The following ACOT9 variants were observed in gnomAD, a reference collection of about 807,000 sequenced individuals.
The protein encoded by ACOT9 is acyl-CoA thioesterase 9.
Under a neutral mutation model 39.7 loss-of-function variants are expected in ACOT9, and 34 were observed. The observed-to-expected ratio is 0.86, with a 90% CI of 0.65 to 1.14. The LOEUF is 1.14. Among genes scored for constraint, ACOT9 ranks in the 50% most tolerant of loss-of-function variants. The pLI, the probability that ACOT9 is intolerant of heterozygous loss-of-function variation, is 0.00. For synonymous variants in ACOT9, 110 were observed against 120.5 expected (o/e 0.91, Z 0.57); for missense variants, 313 against 344.1 (o/e 0.91, Z 0.71).
intron 6 of ACOT9, among the ~76,000 whole-genome samples, chrX:23,727,124 T>C (rs1367554370): frequency 8.9e-6 from 1 of 112,136 alleles, no homozygotes; most frequent in East Asian, 2.8e-4. Flanking sequence ...CCGGCCTATT[T>C]TTCATTTTAA....
chrX:23,713,010 G>T, intron 9 of ACOT9, 125 bp downstream of exon 9: 4 of 524,613 alleles, frequency 7.6e-6, no homozygotes, highest in Middle Eastern at 1.2e-3. Context: ...AAATGGCCAA[G>T]AAATTGCAAT....
chrX:23,705,774 G>A lies in ACOT9; in HGVS notation c.927C>T (p.His309=), dbSNP rs1928657124. Residue 309 remains histidine, a synonymous_variant, in exon 12 of 16, where the codon CAC becomes CAT. Transcript: ENST00000379303. ...NSKLKSLEIC[H]PQERNIFNRI... Reference sequence around the variant, plus strand: ...TCTCACTAAATTATAATACCTGAGGGTGGCAAATTTCCAAACTCTTCAGTT... The same window carrying A: ...TCTCACTAAATTATAATACCTGAGGATGGCAAATTTCCAAACTCTTCAGTT... 2.5e-6 allele frequency: 3 copies of A among 1,206,148 alleles called. No individual in the cohort carries two copies. The Middle Eastern group carries it at 6.9e-4, about 278-fold the overall frequency.
intron 6 of ACOT9, among the ~76,000 whole-genome samples, chrX:23,729,948 A>G (rs1458418673): frequency 1.8e-5 from 2 of 109,777 alleles, no homozygotes; most frequent in African/African-American, 3.3e-5. Flanking sequence ...AATTCTTTAT[A>G]CTGTATTTGC....
intron 9 of ACOT9, among the ~76,000 whole-genome samples, chrX:23,711,788 C>G (rs1928903414): frequency 9.0e-6 from 1 of 111,391 alleles, no homozygotes; most frequent in Non-Finnish European, 1.9e-5. Context: ...CTTAGCATCA[C>G]TGTGAGTGGG....
At chrX:23,709,837 A>G (rs1303202146) in intron 9 of ACOT9, among the ~76,000 whole-genome samples, 2 of 111,925 alleles carry the variant, frequency 1.8e-5, no homozygotes, top group Non-Finnish European at 3.8e-5. Context: ...AGATGACGTA[A>G]AGTAAGTTGA....
chrX:23,728,674 G>A (rs1929621142), intron 6 of ACOT9, among the ~76,000 whole-genome samples: 1 of 111,316 alleles, frequency 9.0e-6, no homozygotes, highest in South Asian at 3.8e-4. Flanking sequence ...AGAGGGTATG[G>A]GAGCAGTGAT....
intron 1 of ACOT9, 99 bp downstream of exon 1, chrX:23,743,026 G>A (rs1920996645): frequency 2.0e-6 from 2 of 1,002,061 alleles, no homozygotes; most frequent in African/African-American, 1.9e-5. Flanking sequence ...GCCCATGCGT[G>A]GCCCACTTCT....
chrX:23,705,603 CATAA>C lies in ACOT9; in HGVS notation c.934-13_934-10del. The C allele has an allele frequency of 8.3e-7, 1 of 1,199,874 alleles. No homozygotes were observed. The highest frequency in any genetic ancestry group is 1.8e-5 in the South Asian group (1 of 56,222). ...TTGAAAATGTTCCGCTCCTACAGGA[CATAA>C]ATAAATATCAATAAATACAAAACTT... On this transcript the variant is annotated splice_polypyrimidine_tract_variant and intron_variant, in intron 12 of 15. Transcript: ENST00000379303.
In ACOT9 at chrX:23,722,705, G is replaced by T; in HGVS notation, c.449C>A (p.Pro150His). 1 of 1,204,061 alleles carries T rather than the reference G, an allele frequency of 8.3e-7. No individual in the cohort carries two copies. Among genetic ancestry groups the T allele is most frequent in the Non-Finnish European group, 1.1e-6 (1 of 889,895 alleles). ...HNKIHSAKMSPLSIVTALVDK... is the reference protein window; with the variant it reads ...HNKIHSAKMSHLSIVTALVDK... ...CACCAGGGCTGTAACTATCGATAAA[G>T]GAGACATCTTGGCGGAGTGGATTTT... The change falls in exon 7 of 16, where the codon CCT (proline) becomes CAT (histidine). Residue 150 changes from proline (P) to histidine (H), a missense_variant. Physicochemically the swap from Pro to His is moderately conservative, Grantham distance 77 (BLOSUM62 -2). Coordinates refer to ENST00000379303, the MANE Select transcript of ACOT9 (RefSeq NM_001037171.2).
chrX:23,735,240 CAAAAAAAAAAAAAAAAAA>C (rs35950361), intron 2 of ACOT9, among the ~76,000 whole-genome samples: 4,908 of 29,404 alleles, frequency 0.17, 165 homozygotes, highest in Middle Eastern at 0.35. Context: ...GACTCCATCC[CAAAAAAAAAAAAAAAAAA>C]AAAAAAAAAA....
chrX:23,720,854 T>C (rs1485738275), intron 8 of ACOT9, among the ~76,000 whole-genome samples: 2 of 111,253 alleles, frequency 1.8e-5, no homozygotes, highest in African/African-American at 3.3e-5. Context: ...CTATATAAAA[T>C]GGGGTCATAT....
intron 6 of ACOT9, 97 bp from the exon 7 acceptor site, chrX:23,722,850 G>C (rs781738370): frequency 1.6e-5 from 8 of 509,815 alleles, no homozygotes; most frequent in Non-Finnish European, 2.6e-5. Context: ...GCCTTGTCTC[G>C]CTTGGAAGAT....
intron 1 of ACOT9, among the ~76,000 whole-genome samples, chrX:23,737,510 T>C (rs757089575): frequency 2.0e-4 from 23 of 112,272 alleles, no homozygotes; most frequent in South Asian, 1.1e-3. Flanking sequence ...AATGACAGCA[T>C]TCAGAGAAAG....
At chrX:23,736,921 A>C (rs760266894) in intron 1 of ACOT9, among the ~76,000 whole-genome samples, 1 of 112,452 alleles carries the variant, frequency 8.9e-6, no homozygotes, top group African/African-American at 3.2e-5. Context: ...ACTCCTAATC[A>C]CACAATATTA....
intron 6 of ACOT9, among the ~76,000 whole-genome samples, chrX:23,724,175 T>C (rs1418969049): frequency 9.0e-6 from 1 of 110,679 alleles, no homozygotes; most frequent in Admixed American, 9.7e-5. Flanking sequence ...GGTAGGAGGA[T>C]TGCTTGAACC....
At chrX:23,733,284 G>T in intron 3 of ACOT9, 67 bp from the exon 4 acceptor site, 1 of 970,271 alleles carries the variant, frequency 1.0e-6, no homozygotes, top group Non-Finnish European at 1.5e-6. Context: ...ATGGCAATGA[G>T]CTCAAGAACT....
chrX:23,743,262 C>G lies in ACOT9; in HGVS notation c.-118G>C, dbSNP rs1020372300. 1.5e-5 allele frequency: 14 copies of G among 944,063 alleles called. No homozygotes were observed. The highest frequency in any genetic ancestry group is 2.0e-5 in the Non-Finnish European group (14 of 716,622). The allele number at this position is 944,063 out of a possible 1,213,427, so 77.8% of individuals were successfully genotyped here. A position where few individuals can be genotyped will look rare whatever the true frequency, so the allele number is the denominator to read the frequency against. Reference sequence around the variant, plus strand: ...GACCGCGCCCTTGCTGAGGACAGCCCGGGAGCCGGACAGCGGTGTCCGGGG... The same window carrying G: ...GACCGCGCCCTTGCTGAGGACAGCCGGGGAGCCGGACAGCGGTGTCCGGGG... On this transcript the variant is annotated 5_prime_UTR_variant, in exon 1 of 16. Coordinates refer to ENST00000379303, the MANE Select transcript of ACOT9 (RefSeq NM_001037171.2).
chrX:23,716,430 T>C (rs1485421873), intron 8 of ACOT9, among the ~76,000 whole-genome samples: 1 of 111,962 alleles, frequency 8.9e-6, no homozygotes, highest in Non-Finnish European at 1.9e-5. Context: ...ATCATGTCAG[T>C]GCTCAAAGTC....
chrX:23,718,681 G>A (rs1929173316), intron 8 of ACOT9, among the ~76,000 whole-genome samples: 2 of 109,792 alleles, frequency 1.8e-5, no homozygotes, highest in Admixed American at 9.8e-5. Flanking sequence ...CGAGGCAGGC[G>A]GATCATGAGG....
Sources: gnomAD v4.1 joint callset for allele counts (sites outside exome capture counted in the v4.1 genomes callset) on GRCh38, gnomAD v4.1.1 for gene constraint, MANE v1.5 for transcripts, NCBI Gene and HGNC (gene_info 2026-07-23, HGNC 2026-07-21) for gene names.